LRP1B: variants seen among roughly 807,000 people sequenced by gnomAD.
The protein encoded by LRP1B is low-density lipoprotein receptor-related protein 1B.
A neutral mutation model predicts 556.6 loss-of-function variants in LRP1B; 217 were observed. The observed-to-expected ratio is 0.39, with a 90% CI of 0.35 to 0.44. The LOEUF (loss-of-function observed/expected upper bound fraction) is 0.44, where lower values mean the gene tolerates loss of function less well. LRP1B is among the 20% of genes least tolerant of loss of function. The probability of loss-of-function intolerance (pLI) is 1.00; values close to 1 mark genes in which losing one functional copy is unlikely to be tolerated. For missense variants in LRP1B, 5,053 were observed against 5,620.8 expected, an observed-to-expected ratio of 0.90 and a Z score of 3.23; for synonymous variants, 2,047 against 1,865.8, an observed-to-expected ratio of 1.10 and a Z score of -2.50.
chr2:141,560,725 CT>C (rs895492128), intron 2 of LRP1B, among the ~76,000 whole-genome samples: 9 of 151,264 alleles, frequency 5.9e-5, no homozygotes, highest in Middle Eastern at 3.4e-3. Flanking sequence ...AAATAAAGTA[CT>C]TTTTTTTAGG....
chr2:140,502,564 TATGCA>T (rs1446328364), intron 54 of LRP1B, among the ~76,000 whole-genome samples: 3 of 152,090 alleles, frequency 2.0e-5, no homozygotes, highest in Non-Finnish European at 2.9e-5. Context: ...ATTCAAATGA[TATGCA>T]ATGTTTCATC....
At position 141,304,689 on chromosome 2, in the gene LRP1B, T is replaced by C. The variant is rs186946360; in HGVS notation, c.344-50048A>G. ...ATATATTTTTTATTTTTAGTAGAGA[T>C]GGGGTTTCACCATGTTGGCCAGTCT... On this transcript the variant is annotated intron_variant, in intron 3 of 90. Coordinates refer to ENST00000389484, the MANE Select transcript of LRP1B (RefSeq NM_018557.3). Among the ~76,000 whole-genome samples, 389 of 151,686 alleles carry C rather than the reference T, an allele frequency of 2.6e-3. 3 individuals carry two copies. Among genetic ancestry groups the C allele is most frequent in the African/African-American group, 9.1e-3 (376 of 41,400 alleles).
At position 140,907,961 on chromosome 2, in the gene LRP1B, C is replaced by A. The variant is rs746414504; in HGVS notation, c.3436G>T (p.Asp1146Tyr). The change falls in exon 22 of 91, where the codon GAC becomes TAC. Residue 1146 changes from aspartate (D) to tyrosine (Y), a missense_variant. Asp to Tyr is a radical substitution (Grantham distance 160). Coordinates refer to ENST00000389484, the MANE Select transcript of LRP1B (RefSeq NM_018557.3). The stretch of plus-strand genomic sequence containing the variant: ...TCTGGCTGCAGGCAGACTGAGGTGT[C>A]ATTAGCACAAGGATGCTTGGGTGGT... The part of the protein sequence containing the change: ...CGPPKHPCAN[D>Y]TSVCLQPEKL... 1 of 1,613,610 alleles carries A rather than the reference C, an allele frequency of 6.2e-7. No individual in the cohort carries two copies. The highest frequency in any genetic ancestry group is 8.5e-7 in the Non-Finnish European group (1 of 1,179,724).
intron 5 of LRP1B, among the ~76,000 whole-genome samples, chr2:141,236,189 G>T (rs1914769): frequency 0.59 from 90,017 of 151,860 alleles, 27,032 homozygotes; most frequent in Admixed American, 0.66. Context: ...GACATAAATT[G>T]ATATGTCTTT....
intron 2 of LRP1B, among the ~76,000 whole-genome samples, chr2:141,539,349 C>T (rs1329275880): frequency 1.3e-5 from 2 of 152,150 alleles, no homozygotes; most frequent in Non-Finnish European, 1.5e-5. Context: ...TTTTTCTAAG[C>T]AATTGATTAC....
intron 1 of LRP1B, among the ~76,000 whole-genome samples, chr2:142,064,756 T>C (rs1456163122): frequency 6.6e-6 from 1 of 151,608 alleles, no homozygotes; most frequent in Non-Finnish European, 1.5e-5. Flanking sequence ...TATCTGTATC[T>C]ATCATTTTTT....
chr2:142,052,177 T>TAA (rs151235599), intron 1 of LRP1B, among the ~76,000 whole-genome samples: 2 of 148,850 alleles, frequency 1.3e-5, no homozygotes, highest in African/African-American at 4.9e-5. Context: ...TATGGCAAGT[T>TAA]AAAAAAAAAA....
chr2:140,992,037 G>A lies in LRP1B; in HGVS notation c.2644+1958C>T, dbSNP rs1392328811. Among the ~76,000 whole-genome samples, 4 of 152,004 alleles carry A rather than the reference G, an allele frequency of 2.6e-5. No individual in the cohort carries two copies. In the East Asian group the frequency reaches 7.7e-4, roughly 29 times the overall value. On this transcript the variant is annotated intron_variant, in intron 16 of 90. Transcript: ENST00000389484. ...ATAAATATCGCTCTGAAAATAGTGT[G>A]GAAAGTGGGCTAAAGTTAAGGGAGG...
intron 11 of LRP1B, among the ~76,000 whole-genome samples, chr2:141,026,054 C>G (rs1411616990): frequency 6.6e-6 from 1 of 152,026 alleles, no homozygotes; most frequent in East Asian, 1.9e-4. Flanking sequence ...CACCATTTTA[C>G]TACCTAACTC....
intron 2 of LRP1B, among the ~76,000 whole-genome samples, chr2:141,585,037 A>G (rs1476069438): frequency 6.6e-6 from 1 of 152,194 alleles, no homozygotes; most frequent in African/African-American, 2.4e-5. Context: ...CTAAAATGGT[A>G]AATTTTATGT....
rs373983727 is a variant in LRP1B, at chr2:140,841,013, C to A, written c.5019G>T (p.Thr1673=). 1.2e-6 allele frequency: 2 copies of A among 1,612,916 alleles called. No individual in the cohort carries two copies. The highest frequency in any genetic ancestry group is 1.7e-6 in the Non-Finnish European group (2 of 1,179,148). ...CATCTAGCCTTGCCACATTAATTTG[C>A]GTTTCATCAAATTCTGAGCTAATCC... ...LYWISSEFDE[T]QINVARLDGS... is the part of the protein sequence containing the mutation. Residue 1673 remains threonine (T), a synonymous_variant, in exon 30 of 91, where the codon ACG becomes ACT. Transcript: ENST00000389484.
At chr2:140,950,743 C>T (rs542431886) in intron 19 of LRP1B, among the ~76,000 whole-genome samples, 3 of 152,162 alleles carry the variant, frequency 2.0e-5, no homozygotes, top group South Asian at 2.1e-4. Context: ...CCACCCTCCT[C>T]GGCCTCCCAA....
chr2:140,345,354 C>T (rs1479269347), intron 77 of LRP1B, among the ~76,000 whole-genome samples: 2 of 151,582 alleles, frequency 1.3e-5, no homozygotes, highest in African/African-American at 4.8e-5. Flanking sequence ...CTTAGAAGTA[C>T]ACTAAAATTA....
rs193058874 is a variant in LRP1B at position 141,673,896 on chromosome 2, G to A, written c.205+136383C>T. On this transcript the variant is annotated intron_variant, in intron 2 of 90. Transcript: ENST00000389484. ...TATATATTTATGGGGTATATGGGAC[G>A]ACTGAAGCAATTTTGTGAGAGCTGC... 2.8e-4 allele frequency among the ~76,000 whole-genome samples: 43 copies of A among 151,926 alleles called. No homozygotes were observed. In the East Asian group the frequency reaches 7.4e-3, roughly 26 times the overall value.
intron 29 of LRP1B, among the ~76,000 whole-genome samples, chr2:140,848,393 T>G (rs1345566798): frequency 6.6e-6 from 1 of 152,200 alleles, no homozygotes; most frequent in Non-Finnish European, 1.5e-5. Context: ...AGCCAAACCA[T>G]TCAATAAATT....
intron 2 of LRP1B, among the ~76,000 whole-genome samples, chr2:141,613,053 C>A (rs1201438778): frequency 3.3e-5 from 5 of 152,050 alleles, no homozygotes; most frequent in Non-Finnish European, 5.9e-5. Context: ...TCGTGATCCA[C>A]CTGCTCAGCC....
intron 1 of LRP1B, among the ~76,000 whole-genome samples, chr2:141,859,040 G>A (rs1698158475): frequency 6.6e-6 from 1 of 151,982 alleles, no homozygotes; most frequent in Non-Finnish European, 1.5e-5. Flanking sequence ...CCCCCTCTAG[G>A]GCTAATTTAA....
At chr2:141,837,377 T>G (rs1409712040) in intron 1 of LRP1B, among the ~76,000 whole-genome samples, 1 of 152,082 alleles carries the variant, frequency 6.6e-6, no homozygotes, top group African/African-American at 2.4e-5. Flanking sequence ...TACACCAAAT[T>G]AGAGGATTTT....
chr2:140,648,343 C>T (rs370857191), intron 41 of LRP1B, among the ~76,000 whole-genome samples: 37 of 151,872 alleles, frequency 2.4e-4, no homozygotes, highest in East Asian at 1.4e-3. Flanking sequence ...ATGTAGATGA[C>T]GAGTTAATGG....
Sources: gnomAD v4.1 joint callset for allele counts (sites outside exome capture counted in the v4.1 genomes callset) on GRCh38, gnomAD v4.1.1 for gene constraint, MANE v1.5 for transcripts, NCBI Gene and HGNC (gene_info 2026-07-23, HGNC 2026-07-21) for gene names.